Variants in NAA11 observed in about 807,000 individuals in gnomAD.
NAA11 encodes N-alpha-acetyltransferase 11.
A neutral mutation model predicts 16.1 loss-of-function variants in NAA11; 15 were observed. The ratio of observed to expected loss-of-function variants is 0.93; its 90% CI spans 0.62 to 1.44. The LOEUF is 1.44. Among genes scored for constraint, NAA11 ranks in the 40% most tolerant of loss-of-function variants. The probability of loss-of-function intolerance (pLI) is 0.00; values close to 1 mark genes in which losing one functional copy is unlikely to be tolerated. For missense variants in NAA11, 298 were observed against 291.3 expected, an observed-to-expected ratio of 1.02 and a Z score of -0.17; for synonymous variants, 122 against 112.4, an observed-to-expected ratio of 1.09 and a Z score of -0.54.
intron 2 of NAA11, among the ~76,000 whole-genome samples, chr4:79,270,797 A>T: frequency 1.7e-5 from 1 of 59,018 alleles, no homozygotes; most frequent in Non-Finnish European, 3.0e-5. Context: ...ATCTCAATAG[A>T]TGCAGAAAAA....
the NAA11 span, among the ~76,000 whole-genome samples, chr4:79,199,933 T>C: frequency 1.3e-5 from 2 of 151,922 alleles, no homozygotes; most frequent in Non-Finnish European, 2.9e-5. Context: ...GCATCTATTA[T>C]GGTCAGGTGA....
At chr4:79,173,006 C>T in the NAA11 span, among the ~76,000 whole-genome samples, 1 of 152,142 alleles carries the variant, frequency 6.6e-6, no homozygotes, top group East Asian at 1.9e-4. Context: ...TAAGACCACA[C>T]TTGTTGCTCT....
chr4:79,321,117 A>G lies in NAA11; in HGVS notation c.*13-3326T>C, dbSNP rs1578197658. On this transcript the variant is annotated intron_variant, in intron 1 of 1. Transcript: ENST00000286794. ...ACGCCCAAGTTTGTGAAGCAGCAGAATAAATATATGTCAGGTGTTTATGTA... is the reference window on the plus strand; with the variant it reads ...ACGCCCAAGTTTGTGAAGCAGCAGAGTAAATATATGTCAGGTGTTTATGTA... Among the ~76,000 whole-genome samples, 6 of 152,302 alleles carry G rather than the reference A, an allele frequency of 3.9e-5. No individual in the cohort carries two copies. The South Asian group carries it at 1.2e-3, about 32-fold the overall frequency.
At chr4:79,267,507 C>T (rs1446358288) in intron 2 of NAA11, among the ~76,000 whole-genome samples, 1 of 152,156 alleles carries the variant, frequency 6.6e-6, no homozygotes, top group East Asian at 1.9e-4. Context: ...TAGTTTTAAG[C>T]ATATACTTGT....
chr4:79,194,126 A>T, the NAA11 span, among the ~76,000 whole-genome samples: 5 of 152,270 alleles, frequency 3.3e-5, no homozygotes, highest in African/African-American at 1.2e-4. Context: ...TTTTGGGCTG[A>T]GACGATGGGG....
chr4:79,189,113 T>G, the NAA11 span, among the ~76,000 whole-genome samples: 17 of 112,866 alleles, frequency 1.5e-4, no homozygotes, highest in Admixed American at 1.2e-3. Flanking sequence ...ACCACTTCAC[T>G]CCAGCCTGGG....
At chr4:79,248,203 A>T (rs756406219) in intron 2 of NAA11, among the ~76,000 whole-genome samples, 3 of 152,112 alleles carry the variant, frequency 2.0e-5, no homozygotes, top group Non-Finnish European at 2.9e-5. Context: ...GCTCATGCAC[A>T]GGTAGACCGG....
intron 2 of NAA11, among the ~76,000 whole-genome samples, chr4:79,233,702 A>G (rs1279133882): frequency 6.6e-6 from 1 of 152,068 alleles, no homozygotes; most frequent in African/African-American, 2.4e-5. Flanking sequence ...GGTATATAAA[A>G]TTTAGATAAA....
chr4:79,210,722 G>A, the NAA11 span, among the ~76,000 whole-genome samples: 6 of 151,968 alleles, frequency 3.9e-5, no homozygotes, highest in Admixed American at 2.0e-4. Flanking sequence ...GCGTAAGATG[G>A]TGTTTAAGAA....
chr4:79,224,124 G>C (rs1721259589), downstream of NAA11, among the ~76,000 whole-genome samples: 1 of 152,096 alleles, frequency 6.6e-6, no homozygotes, highest in Admixed American at 6.6e-5. Context: ...AAGAACCACA[G>C]GGCGGTAGTC....
At chr4:79,157,295 T>C in the NAA11 span, among the ~76,000 whole-genome samples, 2 of 152,106 alleles carry the variant, frequency 1.3e-5, no homozygotes, top group Non-Finnish European at 2.9e-5. Flanking sequence ...ATTGTATCAT[T>C]CTGATGCCTT....
chr4:79,286,822 A>G (rs184601856), intron 2 of NAA11, among the ~76,000 whole-genome samples: 173 of 152,192 alleles, frequency 1.1e-3, no homozygotes, highest in Non-Finnish European at 1.6e-3. Context: ...TGGGTTGTTA[A>G]TTTAGGGTAA....
the NAA11 span, among the ~76,000 whole-genome samples, chr4:79,184,029 C>T: frequency 6.6e-6 from 1 of 152,168 alleles, no homozygotes; most frequent in African/African-American, 2.4e-5. Context: ...ATCTACATTT[C>T]TATTAAGAGC....
At chr4:79,166,819 G>A in the NAA11 span, among the ~76,000 whole-genome samples, 1 of 148,906 alleles carries the variant, frequency 6.7e-6, no homozygotes, top group African/African-American at 2.5e-5. Context: ...CAGTGAGGCA[G>A]GACACCCCAC....
At chr4:79,241,177 A>G (rs1408081740) in intron 2 of NAA11, among the ~76,000 whole-genome samples, 1 of 152,166 alleles carries the variant, frequency 6.6e-6, no homozygotes, top group African/African-American at 2.4e-5. Flanking sequence ...CCTACTCAAC[A>G]TGAAGATGAT....
At chr4:79,192,308 A>G in the NAA11 span, among the ~76,000 whole-genome samples, 1 of 151,392 alleles carries the variant, frequency 6.6e-6, no homozygotes, top group East Asian at 1.9e-4. Context: ...TACATGTGCC[A>G]TGTTGGTGTG....
At chr4:79,232,429 T>C (rs1219258360) in intron 2 of NAA11, among the ~76,000 whole-genome samples, 1 of 151,920 alleles carries the variant, frequency 6.6e-6, no homozygotes, top group Admixed American at 6.6e-5. Flanking sequence ...ACAACCCAAG[T>C]TTCTTTCCTA....
chr4:79,260,712 C>T (rs1214828397), intron 2 of NAA11, among the ~76,000 whole-genome samples: 1 of 152,146 alleles, frequency 6.6e-6, no homozygotes, highest in African/African-American at 2.4e-5. Flanking sequence ...GAGCTGAAAT[C>T]GTGATGATGA....
At chr4:79,242,137 T>C (rs1277401500) in intron 2 of NAA11, among the ~76,000 whole-genome samples, 1 of 152,208 alleles carries the variant, frequency 6.6e-6, no homozygotes, top group African/African-American at 2.4e-5. Context: ...GGTAATTCTG[T>C]GGATGGCTTC....
Sources: gnomAD v4.1 joint callset for allele counts (sites outside exome capture counted in the v4.1 genomes callset) on GRCh38, gnomAD v4.1.1 for gene constraint, MANE v1.5 for transcripts, NCBI Gene and HGNC (gene_info 2026-07-23, HGNC 2026-07-21) for gene names.